DLGAP1: variants seen among roughly 807,000 people sequenced by gnomAD.
DLGAP1 encodes the protein DLG associated protein 1.
A neutral mutation model predicts 90.8 loss-of-function variants in DLGAP1; 11 were observed. The observed-to-expected ratio is 0.12, with a 90% CI of 0.08 to 0.20. The LOEUF (loss-of-function observed/expected upper bound fraction) is 0.20, where lower values mean the gene tolerates loss of function less well. Among genes scored for constraint, DLGAP1 ranks in the 10% least tolerant of loss-of-function variants. The pLI is 1.00. For missense variants in DLGAP1, 1,050 were observed against 1,333.8 expected (o/e 0.79, Z 3.31); for synonymous variants, 558 against 540.7 (o/e 1.03, Z -0.44).
intron 1 of DLGAP1, among the ~76,000 whole-genome samples, chr18:4,448,957 G>A (rs1049351271): frequency 6.6e-6 from 1 of 152,154 alleles, no homozygotes; most frequent in African/African-American, 2.4e-5. Context: ...TATTCTTTGA[G>A]TCCTTGGTGA....
intron 7 of DLGAP1, among the ~76,000 whole-genome samples, chr18:3,627,136 C>G (rs2058327023): frequency 6.6e-6 from 1 of 152,016 alleles, no homozygotes; most frequent in African/African-American, 2.4e-5. Context: ...GATGAGGGCT[C>G]ACTATGTTGC....
At chr18:4,239,812 A>G (rs2078494146) in intron 1 of DLGAP1, among the ~76,000 whole-genome samples, 2 of 152,148 alleles carry the variant, frequency 1.3e-5, no homozygotes, top group Non-Finnish European at 2.9e-5. Flanking sequence ...ACAAAGAGAG[A>G]TTACTACTTT....
intron 5 of DLGAP1, among the ~76,000 whole-genome samples, chr18:3,793,369 C>T (rs976503005): frequency 6.6e-6 from 1 of 152,174 alleles, no homozygotes; most frequent in Non-Finnish European, 1.5e-5. Flanking sequence ...TCCATCCTTG[C>T]CTCCCTCCAA....
chr18:3,562,539 CTTTTTT>C (rs59612709), intron 9 of DLGAP1, among the ~76,000 whole-genome samples: 71 of 118,140 alleles, frequency 6.0e-4, no homozygotes, highest in Non-Finnish European at 9.6e-4. Context: ...TCTTCTCTCC[CTTTTTT>C]TTTTTTTTTT....
At chr18:3,773,885 C>CTAAATTGTTAA (rs2064816023) in intron 5 of DLGAP1, among the ~76,000 whole-genome samples, 1 of 152,098 alleles carries the variant, frequency 6.6e-6, no homozygotes, top group Non-Finnish European at 1.5e-5. Context: ...TATTCAATTG[C>CTAAATTGTTAA]CAAGTTAAAA....
At chr18:3,702,378 T>C (rs2061310791) in intron 7 of DLGAP1, among the ~76,000 whole-genome samples, 6 of 152,232 alleles carry the variant, frequency 3.9e-5, no homozygotes, top group Admixed American at 3.9e-4. Flanking sequence ...CAATTGGATA[T>C]GCTTCACAGG....
chr18:3,837,960 T>A (rs1168755082), intron 4 of DLGAP1, among the ~76,000 whole-genome samples: 1 of 150,348 alleles, frequency 6.7e-6, no homozygotes, highest in African/African-American at 2.4e-5. Context: ...AACCATTTTT[T>A]AAAAACCAGT....
At chr18:4,211,250 G>A (rs76107791) in intron 1 of DLGAP1, among the ~76,000 whole-genome samples, 115 of 152,240 alleles carry the variant, frequency 7.6e-4, no homozygotes, top group African/African-American at 2.7e-3. Context: ...TATGTTGAGG[G>A]TTGAGTTACT....
intron 9 of DLGAP1, among the ~76,000 whole-genome samples, chr18:3,549,840 C>T (rs1568175907): frequency 1.3e-5 from 2 of 152,066 alleles, no homozygotes; most frequent in Non-Finnish European, 2.9e-5. Context: ...ATGTTGAAGT[C>T]CTAACACCTA....
intron 3 of DLGAP1, among the ~76,000 whole-genome samples, chr18:3,973,419 T>C (rs2073498057): frequency 6.6e-6 from 1 of 152,164 alleles, no homozygotes; most frequent in Non-Finnish European, 1.5e-5. Context: ...TCAGTTTGTA[T>C]GAGCTCCGTC....
At chr18:3,761,457 T>C (rs2147912074) in intron 5 of DLGAP1, among the ~76,000 whole-genome samples, 1 of 152,376 alleles carries the variant, frequency 6.6e-6, no homozygotes, top group South Asian at 2.1e-4. Flanking sequence ...CTCTGTTGAA[T>C]GTGATTTGGT....
intron 7 of DLGAP1, among the ~76,000 whole-genome samples, chr18:3,606,059 T>G (rs139070453): frequency 3.3e-3 from 500 of 152,314 alleles, no homozygotes; most frequent in African/African-American, 0.011. Context: ...GATGGAGAGA[T>G]ATTCAGATTT....
chr18:3,947,606 G>C (rs2072902237), intron 3 of DLGAP1, among the ~76,000 whole-genome samples: 1 of 152,204 alleles, frequency 6.6e-6, no homozygotes, highest in South Asian at 2.1e-4. Context: ...GTAAGACGTT[G>C]AAAATACTTT....
chr18:4,216,691 TAA>T (rs2077965273), intron 1 of DLGAP1, among the ~76,000 whole-genome samples: 1 of 152,148 alleles, frequency 6.6e-6, no homozygotes, highest in Non-Finnish European at 1.5e-5. Flanking sequence ...TAGTTAGGAT[TAA>T]AGAGATTATG....
At chr18:3,524,500 T>C (rs762703008) in intron 10 of DLGAP1, among the ~76,000 whole-genome samples, 7 of 152,200 alleles carry the variant, frequency 4.6e-5, no homozygotes, top group Non-Finnish European at 7.3e-5. Context: ...ATGACAGATA[T>C]GTTAATTTGC....
At chr18:3,715,136 A>G (rs1448814364) in intron 7 of DLGAP1, among the ~76,000 whole-genome samples, 2 of 152,260 alleles carry the variant, frequency 1.3e-5, no homozygotes, top group African/African-American at 4.8e-5. Context: ...TTCCTGCCAC[A>G]TTCCCTCAAA....
intron 1 of DLGAP1, among the ~76,000 whole-genome samples, chr18:4,163,271 G>A (rs2076876450): frequency 6.6e-6 from 1 of 152,104 alleles, no homozygotes; most frequent in Non-Finnish European, 1.5e-5. Flanking sequence ...CACTACTTTG[G>A]AAGGGCAATT....
chr18:3,729,111 C>G lies in DLGAP1; in HGVS notation c.1591+24G>C. ...TGCCATAGCCAGCACAGGGGCCAGG[C>G]TGGCTGAGGGCCCGCGCACTCACCC... On this transcript the variant is annotated intron_variant, in intron 7 of 12. Coordinates refer to ENST00000315677, the MANE Select transcript of DLGAP1 (RefSeq NM_004746.4). The surrounding 1 kb of genome is among the most constrained non-coding windows in gnomAD (Gnocchi z 6.2). 1 of 1,583,588 alleles carries G rather than the reference C, an allele frequency of 6.3e-7. No individual in the cohort carries two copies.
chr18:3,897,953 C>A (rs528458635), intron 3 of DLGAP1, among the ~76,000 whole-genome samples: 2 of 151,648 alleles, frequency 1.3e-5, no homozygotes, highest in African/African-American at 4.8e-5. Flanking sequence ...CGCCACCGCG[C>A]CCGGCTAATT....
Sources: allele counts gnomAD v4.1 joint callset (sites outside exome capture counted in the v4.1 genomes callset), GRCh38; gene constraint gnomAD v4.1.1; non-coding constraint Gnocchi (gnomAD v3.1); transcripts MANE v1.5; gene names NCBI Gene and HGNC (gene_info 2026-07-23, HGNC 2026-07-21).